Variants in NUAK1 observed in about 807,000 individuals in gnomAD.
The protein encoded by NUAK1 is NUAK family kinase 1.
A neutral mutation model predicts 56.9 loss-of-function variants in NUAK1; 26 were observed. The observed-to-expected ratio is 0.46, with a 90% CI of 0.33 to 0.63. The LOEUF (loss-of-function observed/expected upper bound fraction) is 0.63. Ranked by LOEUF, NUAK1 falls within the 30% of genes least tolerant of loss-of-function variation. The pLI is 0.02. For synonymous variants in NUAK1, 337 were observed against 336.0 expected (o/e 1.00, Z -0.03); for missense variants, 727 against 876.1 (o/e 0.83, Z 2.15).
At chr12:106,130,171 G>A (rs1012126204) in intron 1 of NUAK1, among the ~76,000 whole-genome samples, 7 of 152,064 alleles carry the variant, frequency 4.6e-5, no homozygotes, top group Admixed American at 6.5e-5. Context: ...TAGTAGAGAC[G>A]GGGTTTCACC....
At chr12:106,120,388 A>C (rs1246425998) in intron 1 of NUAK1, among the ~76,000 whole-genome samples, 2 of 152,214 alleles carry the variant, frequency 1.3e-5, no homozygotes, top group Non-Finnish European at 2.9e-5. Flanking sequence ...TATATGCTCC[A>C]AAAATGCTGG....
chr12:106,115,456 C>T (rs1366409803), intron 1 of NUAK1, among the ~76,000 whole-genome samples: 4 of 152,200 alleles, frequency 2.6e-5, no homozygotes, highest in South Asian at 2.1e-4. Context: ...CGGGAGCAAC[C>T]GTGCAGGCTG....
intron 2 of NUAK1, among the ~76,000 whole-genome samples, chr12:106,089,093 C>A (rs2032606866): frequency 6.6e-6 from 1 of 152,268 alleles, no homozygotes; most frequent in African/African-American, 2.4e-5. Flanking sequence ...ACCTTGGAAA[C>A]TGGAAACACC....
At chr12:106,085,913 C>T (rs1278106777) in intron 3 of NUAK1, among the ~76,000 whole-genome samples, 1 of 152,070 alleles carries the variant, frequency 6.6e-6, no homozygotes, top group African/African-American at 2.4e-5. Flanking sequence ...TGCTATGTTG[C>T]CCTGGCTGGT....
At chr12:106,096,782 C>G (rs190566228) in intron 2 of NUAK1, among the ~76,000 whole-genome samples, 1 of 152,228 alleles carries the variant, frequency 6.6e-6, no homozygotes, top group Non-Finnish European at 1.5e-5. Flanking sequence ...GACAAACGAT[C>G]AGACCAAGAC....
chr12:106,106,825 G>A (rs1427786), intron 1 of NUAK1, among the ~76,000 whole-genome samples: 80,821 of 151,926 alleles, frequency 0.53, 21,983 homozygotes, highest in African/African-American at 0.66. Flanking sequence ...GGCCAGAGTC[G>A]TTTACTCGAA....
intron 4 of NUAK1, among the ~76,000 whole-genome samples, chr12:106,078,331 G>C (rs936611011): frequency 1.3e-5 from 2 of 152,246 alleles, no homozygotes; most frequent in Non-Finnish European, 2.9e-5. Flanking sequence ...ACCCTATCTG[G>C]AAGATTGCAG....
intron 1 of NUAK1, among the ~76,000 whole-genome samples, chr12:106,126,785 A>G (rs1177004815): frequency 6.6e-6 from 1 of 152,176 alleles, no homozygotes. Flanking sequence ...CAAGAAGCCA[A>G]GCTCTCCTGG....
chr12:106,125,147 C>T (rs2033014020), intron 1 of NUAK1, among the ~76,000 whole-genome samples: 2 of 152,164 alleles, frequency 1.3e-5, no homozygotes, highest in African/African-American at 4.8e-5. Context: ...GGTCACACAG[C>T]TTAAGTTGTG....
intron 4 of NUAK1, among the ~76,000 whole-genome samples, chr12:106,081,157 C>G (rs1033181069): frequency 2.0e-5 from 3 of 152,168 alleles, no homozygotes; most frequent in Non-Finnish European, 4.4e-5. Flanking sequence ...TTTTGAAGTA[C>G]CTACTGTGTG....
chr12:106,115,243 A>C (rs1471108209), intron 1 of NUAK1, among the ~76,000 whole-genome samples: 1 of 152,210 alleles, frequency 6.6e-6, no homozygotes, highest in Non-Finnish European at 1.5e-5. Context: ...CAGAACCAAA[A>C]AAACTTTTCT....
intron 1 of NUAK1, among the ~76,000 whole-genome samples, chr12:106,121,736 C>A (rs1181522764): frequency 4.0e-5 from 6 of 150,920 alleles, no homozygotes; most frequent in African/African-American, 2.4e-5. Flanking sequence ...GGGTACAGAG[C>A]GAGACCCTGT....
chr12:106,089,804 T>C (rs1033437343), intron 2 of NUAK1, among the ~76,000 whole-genome samples: 49 of 152,004 alleles, frequency 3.2e-4, no homozygotes, highest in African/African-American at 1.1e-3. Context: ...TAAAATAAAA[T>C]ATATCGCAGA....
rs1043846562 is a variant in NUAK1 at position 106,065,279 on chromosome 12, A to C, written c.*1523T>G. ...TGTCATTGTGATCTGGGTGTTTAGA[A>C]ATTACATATCTAGTTTTTTGTTTTG... On this transcript the variant is annotated 3_prime_UTR_variant, in exon 7 of 7. Coordinates refer to ENST00000261402, the MANE Select transcript of NUAK1 (RefSeq NM_014840.3). 5 of 152,162 alleles carry C rather than the reference A, an allele frequency of 3.3e-5. No individual in the cohort carries two copies. In the South Asian group the frequency reaches 8.3e-4, roughly 25 times the overall value. 9.4% of individuals were successfully genotyped at this position (152,162 alleles called of 1,614,324 possible).
In NUAK1 at chr12:106,138,382, C is replaced by T. The variant is rs551791538; in HGVS notation, c.240+32G>A. 4.0e-4 allele frequency: 623 copies of T among 1,573,050 alleles called. 7 individuals are homozygous for T. The South Asian group carries it at 6.9e-3, about 18-fold the overall frequency. ...AGTCCCCGGCCGCGTCCACCCAGCG[C>T]CCCCCGCACCCTCCAGGATTGCCCC... is the stretch of plus-strand genomic sequence containing the variant. On this transcript the variant is annotated intron_variant, in intron 1 of 6. Transcript: ENST00000261402. The surrounding 1 kb of genome is among the most constrained non-coding windows in gnomAD (Gnocchi z 5.0).
At position 106,138,736 on chromosome 12, in the gene NUAK1, G is replaced by A; in HGVS notation, c.-83C>T. 1 of 1,423,244 alleles carries A rather than the reference G, an allele frequency of 7.0e-7. No individual in the cohort carries two copies. Among genetic ancestry groups the A allele is most frequent in the South Asian group, 1.5e-5 (1 of 66,154 alleles). The allele number at this position is 1,423,244 out of a possible 1,614,324, so 88.2% of individuals were successfully genotyped here. ...GTCGGGGTCCCCACCGAGGGAAGCC[G>A]CTGTACGCTCAAGGTCGCCCCCGCA... On this transcript the variant is annotated 5_prime_UTR_variant, in exon 1 of 7. Coordinates refer to ENST00000261402, the MANE Select transcript of NUAK1 (RefSeq NM_014840.3). This position sits in a 1 kb window ranked among gnomAD's most constrained non-coding sequence, Gnocchi z 5.0.
At chr12:106,135,768 C>T (rs1186561516) in intron 1 of NUAK1, among the ~76,000 whole-genome samples, 1 of 152,198 alleles carries the variant, frequency 6.6e-6, no homozygotes, top group Admixed American at 6.5e-5. Context: ...CTCAACTGCA[C>T]CTTCAAAGCA....
chr12:106,125,938 A>G (rs910518795), intron 1 of NUAK1, among the ~76,000 whole-genome samples: 1 of 152,154 alleles, frequency 6.6e-6, no homozygotes, highest in Non-Finnish European at 1.5e-5. Flanking sequence ...CTGCTAATGG[A>G]AGAAAGAGTT....
At chr12:106,071,028 AC>A (rs2032401924) in intron 5 of NUAK1, 122 bp from the exon 6 acceptor site, 1 of 1,008,254 alleles carries the variant, frequency 9.9e-7, no homozygotes, top group Non-Finnish European at 1.5e-6. Flanking sequence ...TGAATTTAGC[AC>A]CTGGAAGATA....
Sources: allele counts gnomAD v4.1 joint callset (sites outside exome capture counted in the v4.1 genomes callset), GRCh38; gene constraint gnomAD v4.1.1; non-coding constraint Gnocchi (gnomAD v3.1); transcripts MANE v1.5; gene names NCBI Gene and HGNC (gene_info 2026-07-23, HGNC 2026-07-21).